Variants in BAHD1 observed in about 807,000 individuals in gnomAD.
BAHD1 encodes the protein bromo adjacent homology domain-containing 1 protein.
In BAHD1, 20 loss-of-function variants were observed where a neutral mutation model predicts 63.1. The ratio of observed to expected loss-of-function variants is 0.32; its 90% CI spans 0.22 to 0.46. The LOEUF is 0.46. Ranked by LOEUF, BAHD1 falls within the 20% of genes least tolerant of loss-of-function variation. The pLI is 1.00. For missense variants in BAHD1, 939 were observed against 1,071.8 expected, an observed-to-expected ratio of 0.88 and a Z score of 1.73; for synonymous variants, 408 against 426.8, an observed-to-expected ratio of 0.96 and a Z score of 0.54.
At chr15:40,440,204 G>A (rs1406325185), upstream of BAHD1, among the ~76,000 whole-genome samples, 1 of 152,182 alleles carries the variant, frequency 6.6e-6, no homozygotes, top group Non-Finnish European at 1.5e-5. Flanking sequence ...TGGGGTTGGG[G>A]GCGGTAGGTG....
intron 1 of BAHD1, among the ~76,000 whole-genome samples, chr15:40,452,359 C>G (rs1056271828): frequency 2.0e-5 from 3 of 152,250 alleles, no homozygotes. Flanking sequence ...GGTGCCTCCA[C>G]TGAAGCCTCA....
upstream of BAHD1, among the ~76,000 whole-genome samples, chr15:40,439,455 G>A (rs1295753367): frequency 6.6e-6 from 1 of 152,184 alleles, no homozygotes; most frequent in African/African-American, 2.4e-5. Flanking sequence ...AGGAAAGGCT[G>A]GGCGCTGTGT....
chr15:40,464,818 G>T (rs1319511251), intron 5 of BAHD1: 2 of 501,148 alleles, frequency 4.0e-6, no homozygotes, highest in East Asian at 7.0e-5. Context: ...ATGGGAGCAA[G>T]TGGATGTGTT....
At chr15:40,444,820 A>G (rs2141469743) in intron 1 of BAHD1, among the ~76,000 whole-genome samples, 1 of 152,202 alleles carries the variant, frequency 6.6e-6, no homozygotes, top group East Asian at 1.9e-4. Context: ...ATAGTGAAAA[A>G]ATATATTCTG....
rs1439198991 is a variant in BAHD1, at chr15:40,441,038, T to G, written c.-245T>G. On this transcript the variant is annotated 5_prime_UTR_variant, in exon 1 of 7. Coordinates refer to ENST00000416165, the MANE Select transcript of BAHD1 (RefSeq NM_014952.5). ...CCCGTCCGGCTGCCTGCCCCGCCCG[T>G]CCGGCCCCCGCCGTCCGCCCGCCCC... 7.0e-6 allele frequency among the ~76,000 whole-genome samples: 1 copy of G among 142,990 alleles called. No individual in the cohort carries two copies. Among genetic ancestry groups the G allele is most frequent in the South Asian group, 2.2e-4 (1 of 4,600 alleles). 93.8% of individuals were successfully genotyped at this position (142,990 alleles called of 152,430 possible).
In BAHD1 at chr15:40,459,408, C is replaced by T. The variant is rs140691234; in HGVS notation, c.944C>T (p.Pro315Leu). The T allele has an allele frequency of 5.6e-6, 9 of 1,612,940 alleles. No individual in the cohort carries two copies. Among genetic ancestry groups the T allele is most frequent in the African/African-American group, 2.7e-5 (2 of 74,926 alleles). ...ESPLGLRPHL[P>L]LLMGGQAALK... ...CCTTTGGGGCTGCGCCCTCACCTGC[C>T]CCTGCTGATGGGTGGACAGGCGGCT... The change falls in exon 2 of 7, where the codon CCC becomes CTC. Residue 315 changes from proline (P) to leucine (L), a missense_variant. Physicochemically the swap from Pro to Leu is moderately conservative, Grantham distance 98. Transcript: ENST00000416165.
At chr15:40,454,806 C>T (rs539012008) in intron 1 of BAHD1, among the ~76,000 whole-genome samples, 7 of 152,044 alleles carry the variant, frequency 4.6e-5, no homozygotes, top group Non-Finnish European at 7.4e-5. Context: ...GTGGATAGTG[C>T]GTAATTGGGA....
intron 1 of BAHD1, chr15:40,443,421 T>C: frequency 6.8e-6 from 4 of 588,194 alleles, no homozygotes; most frequent in Non-Finnish European, 8.6e-6. Flanking sequence ...TCAAGGCCTT[T>C]GTGCCTTCTG....
rs528396905 is a variant in BAHD1 at position 40,446,866 on chromosome 15, C to T, written c.-15+5598C>T. 4.6e-5 allele frequency among the ~76,000 whole-genome samples: 7 copies of T among 152,272 alleles called. No individual in the cohort carries two copies. The South Asian group carries it at 1.4e-3, about 32-fold the overall frequency. On this transcript the variant is annotated intron_variant, in intron 1 of 6. Coordinates refer to ENST00000416165, the MANE Select transcript of BAHD1 (RefSeq NM_014952.5). ...CTCACCTGGAGTGCTGTTGATGGCT[C>T]CTACTTTTATTCCATCTCCAATGCC...
At chr15:40,443,188 A>G in intron 1 of BAHD1, 2 of 909,300 alleles carry the variant, frequency 2.2e-6, no homozygotes, top group Non-Finnish European at 2.6e-6. Context: ...GGTTGGCTGT[A>G]ATCCCACCTG....
chr15:40,438,404 G>A (rs1321290372), upstream of BAHD1, among the ~76,000 whole-genome samples: 2 of 152,098 alleles, frequency 1.3e-5, no homozygotes, highest in East Asian at 1.9e-4. Flanking sequence ...GGGAGGAAGG[G>A]GGGACAGAGG....
At chr15:40,446,733 C>G (rs1893550763) in intron 1 of BAHD1, among the ~76,000 whole-genome samples, 1 of 152,142 alleles carries the variant, frequency 6.6e-6, no homozygotes, top group South Asian at 2.1e-4. Flanking sequence ...TTTTTTCTTG[C>G]ATGTGTTCCT....
At chr15:40,453,238 T>A (rs978002855) in intron 1 of BAHD1, among the ~76,000 whole-genome samples, 1 of 152,222 alleles carries the variant, frequency 6.6e-6, no homozygotes, top group Non-Finnish European at 1.5e-5. Context: ...TAAATCTAGG[T>A]CTGACTCAAT....
intron 3 of BAHD1, among the ~76,000 whole-genome samples, chr15:40,463,655 C>T (rs1404843687): frequency 6.6e-6 from 1 of 152,236 alleles, no homozygotes; most frequent in Admixed American, 6.5e-5. Flanking sequence ...CTTCAGGCCA[C>T]TTTTCCACCC....
chr15:40,438,286 C>A (rs1219737463), upstream of BAHD1, among the ~76,000 whole-genome samples: 1 of 152,158 alleles, frequency 6.6e-6, no homozygotes, highest in Non-Finnish European at 1.5e-5. Context: ...TTGCAGAGGT[C>A]CCTGAAAGTT....
rs61741848 is a variant in BAHD1, at chr15:40,466,031, C to T, written c.2244C>T (p.Pro748=). Reference sequence around the variant, plus strand: ...CCTCTGCAGACTATTCCACCCCACCCCACCGCACAGTGCCAGAGGACACGG... The same window carrying T: ...CCTCTGCAGACTATTCCACCCCACCTCACCGCACAGTGCCAGAGGACACGG... ...VPPSADYSTP[P]HRTVPEDTDP... Residue 748 remains proline, a synonymous_variant, in exon 7 of 7, where the codon CCC becomes CCT. Transcript: ENST00000416165. 1.9e-5 allele frequency: 30 copies of T among 1,614,004 alleles called. No homozygotes were observed. In the African/African-American group the frequency reaches 3.5e-4, roughly 19 times the overall value.
At chr15:40,441,740 C>T (rs112795500) in intron 1 of BAHD1, among the ~76,000 whole-genome samples, 3 of 149,612 alleles carry the variant, frequency 2.0e-5, no homozygotes, top group Non-Finnish European at 4.5e-5. Flanking sequence ...CCTCCCCCAT[C>T]GCGGTCCCCG....
chr15:40,445,267 A>AAC lies in BAHD1; in HGVS notation c.-15+4000_-15+4001insCA, dbSNP rs1555408419. 3.3e-5 allele frequency among the ~76,000 whole-genome samples: 5 copies of AAC among 151,568 alleles called. No individual in the cohort carries two copies. The South Asian group carries it at 6.3e-4, about 19-fold the overall frequency. On this transcript the variant is annotated intron_variant, in intron 1 of 6. Transcript: ENST00000416165. ...GAGCTCCTTTTGGGTAAAAAAAAAA[A>AAC]AAAAAAAAACAACCCTTTCACACCT... is the stretch of plus-strand genomic sequence containing the variant.
chr15:40,450,076 T>G (rs1461390738), intron 1 of BAHD1, among the ~76,000 whole-genome samples: 2 of 152,182 alleles, frequency 1.3e-5, no homozygotes, highest in Non-Finnish European at 2.9e-5. Flanking sequence ...CTTACCAAGC[T>G]CTTATTAAGT....
Sources: gnomAD v4.1 joint callset for allele counts (sites outside exome capture counted in the v4.1 genomes callset) on GRCh38, gnomAD v4.1.1 for gene constraint, MANE v1.5 for transcripts, NCBI Gene and HGNC (gene_info 2026-07-23, HGNC 2026-07-21) for gene names.